NDUFAF2: variants seen among roughly 807,000 people sequenced by gnomAD.
NDUFAF2 encodes the protein NADH:ubiquinone oxidoreductase complex assembly factor 2, also known as NADH dehydrogenase [ubiquinone] 1 alpha subcomplex assembly factor 2.
NDUFAF2 carries 13 observed loss-of-function variants against 22.8 expected under a neutral mutation model. The ratio of observed to expected loss-of-function variants is 0.57; its 90% CI spans 0.37 to 0.91. The LOEUF (loss-of-function observed/expected upper bound fraction) is 0.91. Among genes scored for constraint, NDUFAF2 ranks in the 40% least tolerant of loss-of-function variants. The pLI is 0.01. For synonymous variants in NDUFAF2, 53 were observed against 64.2 expected (o/e 0.83, Z 0.84); for missense variants, 162 against 195.2 (o/e 0.83, Z 1.01).
At chr5:61,136,006 T>C (rs1314447529) in intron 3 of NDUFAF2, among the ~76,000 whole-genome samples, 14 of 5,814 alleles carry the variant, frequency 2.4e-3, no homozygotes, top group African/African-American at 6.2e-3. Context: ...AGCCTGTCTT[T>C]ATATATATAT....
Position 61,018,330 on chromosome 5 carries a change from C to G in NDUFAF2, c.128-54795C>G, listed in dbSNP as rs562626369. Among the ~76,000 whole-genome samples, 8 of 152,152 alleles carry G rather than the reference C, an allele frequency of 5.3e-5. No homozygotes were observed. The East Asian group carries it at 1.5e-3, about 29-fold the overall frequency. Reference sequence around the variant, plus strand: ...GCTACAAATCAGGGCTTAATTTATTCTTTTGTTGATTGTGCTTAAGGAAGT... The same window carrying G: ...GCTACAAATCAGGGCTTAATTTATTGTTTTGTTGATTGTGCTTAAGGAAGT... On this transcript the variant is annotated intron_variant, in intron 1 of 3. Transcript: ENST00000296597.
intron 1 of NDUFAF2, among the ~76,000 whole-genome samples, chr5:61,043,693 G>A (rs1204732133): frequency 1.3e-5 from 2 of 148,442 alleles, no homozygotes; most frequent in Non-Finnish European, 3.0e-5. Context: ...GTGTGTGTGT[G>A]TGTGTGTGTA....
chr5:60,975,885 G>C (rs1239894978), intron 1 of NDUFAF2, among the ~76,000 whole-genome samples: 1 of 152,168 alleles, frequency 6.6e-6, no homozygotes, highest in Non-Finnish European at 1.5e-5. Context: ...TTAAGAATTG[G>C]ATTTAGCAAC....
At chr5:61,084,907 C>A (rs1752488400) in intron 2 of NDUFAF2, among the ~76,000 whole-genome samples, 1 of 152,136 alleles carries the variant, frequency 6.6e-6, no homozygotes, top group African/African-American at 2.4e-5. Context: ...ATAGCTACAT[C>A]AGACAACATG....
At chr5:61,024,257 G>GT (rs1751623395) in intron 1 of NDUFAF2, among the ~76,000 whole-genome samples, 1 of 151,810 alleles carries the variant, frequency 6.6e-6, no homozygotes, top group Admixed American at 6.6e-5. Flanking sequence ...TTTTGGGATT[G>GT]TTTTAACTTT....
chr5:60,954,559 T>C (rs1246782885), intron 1 of NDUFAF2, among the ~76,000 whole-genome samples: 1 of 152,164 alleles, frequency 6.6e-6, no homozygotes, highest in Non-Finnish European at 1.5e-5. Flanking sequence ...AGCTAACATA[T>C]ATACTATGTA....
intron 3 of NDUFAF2, among the ~76,000 whole-genome samples, chr5:61,108,776 G>C (rs1331959528): frequency 6.6e-6 from 1 of 152,094 alleles, no homozygotes; most frequent in Admixed American, 6.6e-5. Flanking sequence ...CTGTAGATGT[G>C]TGGATTTGTT....
At chr5:61,078,776 A>T (rs2111739487) in intron 2 of NDUFAF2, among the ~76,000 whole-genome samples, 1 of 152,214 alleles carries the variant, frequency 6.6e-6, no homozygotes, top group Admixed American at 6.5e-5. Flanking sequence ...CTTGGACAAG[A>T]TTCAGCTGTG....
At chr5:61,130,451 T>A (rs1411908365) in intron 3 of NDUFAF2, among the ~76,000 whole-genome samples, 6 of 152,092 alleles carry the variant, frequency 3.9e-5, no homozygotes. Flanking sequence ...AAAGCAACAT[T>A]ACAGGTTATT....
intron 1 of NDUFAF2, among the ~76,000 whole-genome samples, chr5:60,952,376 T>C (rs188846744): frequency 4.7e-4 from 71 of 152,174 alleles, no homozygotes; most frequent in African/African-American, 1.7e-3. Context: ...TGGCCACATT[T>C]CACAAATTTT....
intron 1 of NDUFAF2, among the ~76,000 whole-genome samples, chr5:61,036,704 A>C (rs1751804736): frequency 6.6e-6 from 1 of 152,200 alleles, no homozygotes; most frequent in Non-Finnish European, 1.5e-5. Flanking sequence ...GTGCTGAAAC[A>C]GTGAGGGGAA....
chr5:61,053,148 C>T (rs1254402376), intron 1 of NDUFAF2, among the ~76,000 whole-genome samples: 1 of 152,184 alleles, frequency 6.6e-6, no homozygotes, highest in Non-Finnish European at 1.5e-5. Flanking sequence ...TTGAAAATGA[C>T]TGAGTAGCCA....
chr5:61,039,169 G>A (rs1186026481), intron 1 of NDUFAF2, among the ~76,000 whole-genome samples: 1 of 151,006 alleles, frequency 6.6e-6, no homozygotes, highest in Admixed American at 6.6e-5. Flanking sequence ...AAAGTCTTGG[G>A]GACAAAGCTA....
At chr5:61,123,565 T>C (rs774915472) in intron 3 of NDUFAF2, among the ~76,000 whole-genome samples, 4 of 152,196 alleles carry the variant, frequency 2.6e-5, no homozygotes, top group Non-Finnish European at 4.4e-5. Flanking sequence ...AGCACGTAAC[T>C]GTAATTAAAT....
chr5:61,074,235 T>C (rs752696506), intron 2 of NDUFAF2, among the ~76,000 whole-genome samples: 4 of 152,124 alleles, frequency 2.6e-5, no homozygotes, highest in African/African-American at 7.2e-5. Flanking sequence ...GCGGATCATC[T>C]GAGGCCAGGA....
intron 2 of NDUFAF2, among the ~76,000 whole-genome samples, chr5:61,086,608 T>C (rs1752508021): frequency 6.6e-6 from 1 of 152,148 alleles, no homozygotes; most frequent in African/African-American, 2.4e-5. Flanking sequence ...TTACCTTATA[T>C]AATCCTCCAA....
chr5:60,976,980 T>G (rs1750910284), intron 1 of NDUFAF2, among the ~76,000 whole-genome samples: 1 of 152,224 alleles, frequency 6.6e-6, no homozygotes, highest in Non-Finnish European at 1.5e-5. Context: ...AAGTTTGTGC[T>G]TGTGTTTTAA....
intron 1 of NDUFAF2, among the ~76,000 whole-genome samples, chr5:61,060,085 G>C (rs1218782474): frequency 6.6e-6 from 1 of 152,052 alleles, no homozygotes; most frequent in East Asian, 1.9e-4. Context: ...TGAACATTTG[G>C]ATAAGTTAAC....
At chr5:61,141,580 C>T (rs1741058885) in intron 3 of NDUFAF2, among the ~76,000 whole-genome samples, 1 of 152,084 alleles carries the variant, frequency 6.6e-6, no homozygotes, top group African/African-American at 2.4e-5. Context: ...CTCTTTGTTC[C>T]TCAAAGATGC....
Sources: gnomAD v4.1 joint callset for allele counts (sites outside exome capture counted in the v4.1 genomes callset) on GRCh38, gnomAD v4.1.1 for gene constraint, MANE v1.5 for transcripts, NCBI Gene and HGNC (gene_info 2026-07-23, HGNC 2026-07-21) for gene names.